The following ADORA2B variants were observed in gnomAD, a reference collection of about 807,000 sequenced individuals.
The protein encoded by ADORA2B is adenosine receptor A2b.
A neutral mutation model predicts 20.8 loss-of-function variants in ADORA2B; 18 were observed. That is an observed-to-expected ratio of 0.87 (90% CI 0.60 to 1.29). ADORA2B has a LOEUF of 1.29. Ranked by LOEUF, ADORA2B falls within the 50% of genes most tolerant of loss-of-function variation. The probability of loss-of-function intolerance (pLI) is 0.00; values close to 1 mark genes in which losing one functional copy is unlikely to be tolerated. For missense variants in ADORA2B, 441 were observed against 422.7 expected (o/e 1.04, Z -0.38); for synonymous variants, 179 against 178.3 (o/e 1.00, Z -0.03).
At chr17:15,877,485 C>T in the ADORA2B span, among the ~76,000 whole-genome samples, 1 of 152,084 alleles carries the variant, frequency 6.6e-6, no homozygotes, top group African/African-American at 2.4e-5. Context: ...TCCTCTTGGG[C>T]TCATCCATTC....
the ADORA2B span, among the ~76,000 whole-genome samples, chr17:15,853,328 T>C: frequency 5.7e-4 from 87 of 152,352 alleles, no homozygotes; most frequent in African/African-American, 1.9e-3. Flanking sequence ...CAGATTTCTT[T>C]TTTACCAGTG....
intron 1 of ADORA2B, among the ~76,000 whole-genome samples, chr17:15,955,864 G>A (rs546391880): frequency 4.0e-5 from 6 of 151,574 alleles, no homozygotes; most frequent in Middle Eastern, 3.5e-3. Context: ...GATTACAGGC[G>A]TGCACCACCA....
chr17:15,852,351 A>T, the ADORA2B span, among the ~76,000 whole-genome samples: 1 of 152,200 alleles, frequency 6.6e-6, no homozygotes, highest in African/African-American at 2.4e-5. Flanking sequence ...ACCCATAGAA[A>T]CATGGGTTTG....
chr17:15,927,482 AG>A, the ADORA2B span, among the ~76,000 whole-genome samples: 1 of 151,330 alleles, frequency 6.6e-6, no homozygotes, highest in East Asian at 2.0e-4. Context: ...ACCCTGTCTC[AG>A]GAAAAAAAAA....
chr17:15,858,785 C>A, the ADORA2B span: 1 of 162,666 alleles, frequency 6.1e-6, no homozygotes, highest in South Asian at 1.6e-4. Flanking sequence ...AGGGATGACT[C>A]AATGCTTGAA....
At chr17:15,874,829 A>T in the ADORA2B span, among the ~76,000 whole-genome samples, 3 of 147,840 alleles carry the variant, frequency 2.0e-5, no homozygotes, top group Admixed American at 1.3e-4. Context: ...AGGTTGTGTT[A>T]TACTTTCCAT....
At chr17:15,915,862 C>T in the ADORA2B span, among the ~76,000 whole-genome samples, 1 of 152,182 alleles carries the variant, frequency 6.6e-6, no homozygotes. Context: ...TAATCTCTTC[C>T]AGAAACGCCC....
At chr17:15,947,229 C>T (rs890735731) in intron 1 of ADORA2B, among the ~76,000 whole-genome samples, 52 of 152,194 alleles carry the variant, frequency 3.4e-4, no homozygotes, top group Non-Finnish European at 1.8e-4. Flanking sequence ...ATCGTTGTTA[C>T]TTGATGGCAT....
chr17:15,925,998 G>A, the ADORA2B span, among the ~76,000 whole-genome samples: 3 of 152,164 alleles, frequency 2.0e-5, no homozygotes, highest in South Asian at 4.2e-4. Flanking sequence ...GGGTTAAGGC[G>A]AATGGGATGA....
the ADORA2B span, among the ~76,000 whole-genome samples, chr17:15,901,205 C>T: frequency 6.6e-6 from 1 of 152,188 alleles, no homozygotes; most frequent in Non-Finnish European, 1.5e-5. Context: ...GTGGCTCACA[C>T]CTGTAATCCC....
At chr17:15,919,594 C>A in the ADORA2B span, among the ~76,000 whole-genome samples, 2 of 152,174 alleles carry the variant, frequency 1.3e-5, no homozygotes, top group Non-Finnish European at 2.9e-5. Context: ...TGTCTTTGGT[C>A]ACCTAGTGTG....
the ADORA2B span, among the ~76,000 whole-genome samples, chr17:15,920,384 T>G: frequency 1.3e-5 from 2 of 152,138 alleles, no homozygotes; most frequent in African/African-American, 4.8e-5. Context: ...TAAATAAAAG[T>G]TTCTGTTCCC....
chr17:15,886,243 G>GTATTTATTTATTTATTTATTTAT, the ADORA2B span, among the ~76,000 whole-genome samples: 4 of 132,864 alleles, frequency 3.0e-5, no homozygotes, highest in Non-Finnish European at 3.2e-5. Context: ...GAATCTTGTA[G>GTATTTATTTATTTATTTATTTAT]TGGCTCGCCC....
At chr17:15,864,372 G>A in the ADORA2B span, among the ~76,000 whole-genome samples, 7 of 152,236 alleles carry the variant, frequency 4.6e-5, no homozygotes, top group South Asian at 1.2e-3. Context: ...TAGGGAAGGG[G>A]GACCTTTTCC....
the ADORA2B span, among the ~76,000 whole-genome samples, chr17:15,912,185 A>G: frequency 1.4e-5 from 2 of 147,706 alleles, no homozygotes; most frequent in Admixed American, 1.4e-4. Flanking sequence ...ATTGCACTCC[A>G]GCCTGGGTGA....
the ADORA2B span, among the ~76,000 whole-genome samples, chr17:15,896,645 A>G: frequency 9.9e-5 from 15 of 152,246 alleles, no homozygotes; most frequent in Non-Finnish European, 2.1e-4. Flanking sequence ...TTCACCACTC[A>G]GTGTTTTAAT....
At chr17:15,883,229 T>C in the ADORA2B span, among the ~76,000 whole-genome samples, 1 of 152,242 alleles carries the variant, frequency 6.6e-6, no homozygotes, top group African/African-American at 2.4e-5. Context: ...TTATTACATA[T>C]TATTTTCTTA....
the ADORA2B span, among the ~76,000 whole-genome samples, chr17:15,911,656 G>C: frequency 2.0e-5 from 3 of 152,224 alleles, no homozygotes; most frequent in African/African-American, 7.2e-5. Context: ...AACATCACAT[G>C]AAAGAAGGGC....
chr17:15,924,006 G>A, the ADORA2B span, among the ~76,000 whole-genome samples: 3 of 152,162 alleles, frequency 2.0e-5, no homozygotes, highest in East Asian at 1.9e-4. Context: ...TTTGCCTCCC[G>A]GGAACAAGCC....
Sources: allele counts gnomAD v4.1 joint callset (sites outside exome capture counted in the v4.1 genomes callset), GRCh38; gene constraint gnomAD v4.1.1; transcripts MANE v1.5; gene names NCBI Gene and HGNC (gene_info 2026-07-23, HGNC 2026-07-21).